FRMPD3: variants seen among roughly 807,000 people sequenced by gnomAD.
The protein encoded by FRMPD3 is FERM and PDZ domain containing 3, also known as FERM and PDZ domain-containing protein 3.
FRMPD3 carries 42 observed loss-of-function variants against 97.9 expected under a neutral mutation model. The observed-to-expected ratio is 0.43, with a 90% CI of 0.34 to 0.55. The LOEUF is 0.55. FRMPD3 is among the 20% of genes least tolerant of loss of function. The probability of loss-of-function intolerance (pLI) is 0.03; values close to 1 mark genes in which losing one functional copy is unlikely to be tolerated. For missense variants in FRMPD3, 1,303 were observed against 1,457.7 expected, an observed-to-expected ratio of 0.89 and a Z score of 1.73; for synonymous variants, 577 against 581.1, an observed-to-expected ratio of 0.99 and a Z score of 0.10.
At chrX:107,490,077 C>T (rs1430127225) in intron 1 of FRMPD3, among the ~76,000 whole-genome samples, 2 of 112,288 alleles carry the variant, frequency 1.8e-5, no homozygotes, top group African/African-American at 3.2e-5. Flanking sequence ...TTTCCCAGCA[C>T]TGTTTATTAA....
intron 1 of FRMPD3, among the ~76,000 whole-genome samples, chrX:107,484,368 G>A (rs961713855): frequency 3.6e-5 from 4 of 112,638 alleles, no homozygotes; most frequent in Non-Finnish European, 3.8e-5. Flanking sequence ...AAAGGCTAGC[G>A]TCTTCTCAGC....
intron 1 of FRMPD3, among the ~76,000 whole-genome samples, chrX:107,474,163 C>A (rs1481112239): frequency 8.9e-6 from 1 of 112,401 alleles, no homozygotes; most frequent in Non-Finnish European, 1.9e-5. Flanking sequence ...TTCCCTGTTA[C>A]CACGGGAACC....
chrX:107,558,574 G>A (rs752953843), intron 8 of FRMPD3, among the ~76,000 whole-genome samples: 4 of 111,093 alleles, frequency 3.6e-5, no homozygotes, highest in Admixed American at 1.9e-4. Flanking sequence ...ATATCTACAG[G>A]TTCCATATTT....
chrX:107,577,105 A>G (rs922198395), intron 13 of FRMPD3, among the ~76,000 whole-genome samples: 7 of 99,799 alleles, frequency 7.0e-5, no homozygotes, highest in African/African-American at 2.7e-4. Flanking sequence ...CAGGCGGATC[A>G]CTTGAGGTCA....
intron 13 of FRMPD3, among the ~76,000 whole-genome samples, chrX:107,586,783 T>C (rs1923666928): frequency 8.9e-6 from 1 of 112,314 alleles, no homozygotes; most frequent in African/African-American, 3.2e-5. Context: ...TAATCCTTAG[T>C]TCTAATTTGA....
At chrX:107,475,858 G>A (rs1364139386) in intron 1 of FRMPD3, among the ~76,000 whole-genome samples, 1 of 112,212 alleles carries the variant, frequency 8.9e-6, no homozygotes, top group African/African-American at 3.2e-5. Context: ...TTCCTCACCT[G>A]TAAAATGAAG....
chrX:107,482,496 T>C (rs1188217133), intron 1 of FRMPD3, among the ~76,000 whole-genome samples: 2 of 111,281 alleles, frequency 1.8e-5, no homozygotes, highest in Non-Finnish European at 3.8e-5. Flanking sequence ...TTGGGGCCCA[T>C]GTTTTTCTTC....
intron 8 of FRMPD3, among the ~76,000 whole-genome samples, chrX:107,557,838 T>TATAG (rs1922168651): frequency 1.4e-5 from 1 of 72,911 alleles, no homozygotes; most frequent in Non-Finnish European, 2.6e-5. Flanking sequence ...TATATATATA[T>TATAG]ATAGATCTAT....
At chrX:107,477,457 A>T (rs902883302) in intron 1 of FRMPD3, among the ~76,000 whole-genome samples, 6 of 112,668 alleles carry the variant, frequency 5.3e-5, no homozygotes, top group Non-Finnish European at 9.4e-5. Flanking sequence ...CCATCTGGAT[A>T]GTTCTAGAGA....
chrX:107,588,061 C>T (rs112492307), intron 13 of FRMPD3, among the ~76,000 whole-genome samples: 14,335 of 110,987 alleles, frequency 0.13, 1,903 homozygotes, highest in African/African-American at 0.4. Flanking sequence ...AGGTGTGAGC[C>T]GCAACGCCCA....
chrX:107,503,701 G>C (rs1038641070), intron 1 of FRMPD3, among the ~76,000 whole-genome samples: 1 of 111,833 alleles, frequency 8.9e-6, no homozygotes, highest in African/African-American at 3.3e-5. Context: ...TCTTTCATGG[G>C]GGCACAGATC....
intron 5 of FRMPD3, among the ~76,000 whole-genome samples, chrX:107,549,302 G>A (rs1370445927): frequency 2.8e-5 from 3 of 108,802 alleles, no homozygotes; most frequent in Non-Finnish European, 3.8e-5. Context: ...CCACCTGGGC[G>A]ACAGAGCGAG....
intron 1 of FRMPD3, among the ~76,000 whole-genome samples, chrX:107,469,358 A>G (rs749342140): frequency 9.0e-6 from 1 of 111,624 alleles, no homozygotes; most frequent in Admixed American, 9.5e-5. Flanking sequence ...AAATGGTTTT[A>G]AAACCATCGG....
chrX:107,592,687 A>G (rs190834753), intron 13 of FRMPD3, among the ~76,000 whole-genome samples: 333 of 110,810 alleles, frequency 3.0e-3, no homozygotes, highest in Admixed American at 0.011. Flanking sequence ...ACTGTTTTCC[A>G]TAGTGGTTGT....
intron 1 of FRMPD3, among the ~76,000 whole-genome samples, chrX:107,458,190 A>T (rs779432661): frequency 8.9e-6 from 1 of 112,139 alleles, no homozygotes; most frequent in East Asian, 2.8e-4. Context: ...GCATGGGAAG[A>T]GAAGTCTATT....
rs1004569458 is a variant in FRMPD3, at chrX:107,558,154, T to C, written c.763-2103T>C. ...TGAGCCTTCCAATCCCTGAACACAG[T>C]ATTTCTACATTTAATTATACCTTCT... On this transcript the variant is annotated intron_variant, in intron 8 of 14. Coordinates refer to ENST00000683843, the MANE Select transcript of FRMPD3 (RefSeq NM_001388459.1). 2.7e-5 allele frequency among the ~76,000 whole-genome samples: 3 copies of C among 109,968 alleles called. No homozygotes were observed. In the Admixed American group the frequency reaches 2.9e-4, roughly 11 times the overall value.
At chrX:107,453,017 ATG>A (rs1931316664) in intron 1 of FRMPD3, among the ~76,000 whole-genome samples, 2 of 110,582 alleles carry the variant, frequency 1.8e-5, no homozygotes, top group Non-Finnish European at 3.8e-5. Flanking sequence ...GCATGGGTGG[ATG>A]CAGGACAACG....
intron 1 of FRMPD3, chrX:107,522,513 A>T: frequency 3.7e-6 from 2 of 535,279 alleles, no homozygotes; most frequent in South Asian, 5.0e-5. Context: ...GGGTGCTGCA[A>T]TTGTGGGTCC....
Position 107,560,359 on chromosome X carries a change from C to G in FRMPD3, c.865C>G (p.Arg289Gly), listed in dbSNP as rs758813541. ...LHIYITVSAT[R>G]PSQKISLKNV... ...CATCTATATCACTGTCTCAGCCACT[C>G]GACCTAGTCAGAAGATCTCGCTCAA... Residue 289 changes from arginine (R) to glycine (G), a missense_variant, in exon 9 of 15, where the codon CGA (arginine) becomes GGA (glycine). Physicochemically the swap from Arg to Gly is moderately radical, Grantham distance 125. Transcript: ENST00000683843. 1 of 1,206,680 alleles carries G rather than the reference C, an allele frequency of 8.3e-7. No homozygotes were observed. The highest frequency in any genetic ancestry group is 1.8e-5 in the African/African-American group (1 of 56,514).
Sources: allele counts gnomAD v4.1 joint callset (sites outside exome capture counted in the v4.1 genomes callset), GRCh38; gene constraint gnomAD v4.1.1; transcripts MANE v1.5; gene names NCBI Gene and HGNC (gene_info 2026-07-23, HGNC 2026-07-21).